Variants in CASK observed in about 807,000 individuals in gnomAD.
CASK encodes the protein peripheral plasma membrane protein CASK.
CASK carries 4 observed loss-of-function variants against 82.9 expected under a neutral mutation model. The ratio of observed to expected loss-of-function variants is 0.05; its 90% CI spans 0.02 to 0.11. The LOEUF is 0.11. Ranked by LOEUF, CASK falls within the 10% of genes least tolerant of loss-of-function variation. CASK has a pLI of 1.00. For synonymous variants in CASK, 259 were observed against 253.5 expected, an observed-to-expected ratio of 1.02 and a Z score of -0.20; for missense variants, 358 against 720.9, an observed-to-expected ratio of 0.50 and a Z score of 5.76.
intron 1 of CASK, among the ~76,000 whole-genome samples, chrX:41,920,212 A>G (rs2072760385): frequency 8.9e-6 from 1 of 112,450 alleles, no homozygotes; most frequent in African/African-American, 3.2e-5. Context: ...GAAAATCAAA[A>G]TTCCATAGAA....
At chrX:41,890,232 G>A (rs2072138689) in intron 1 of CASK, among the ~76,000 whole-genome samples, 1 of 21,574 alleles carries the variant, frequency 4.6e-5, no homozygotes, top group Non-Finnish European at 7.0e-5. Context: ...GTGTGTGTGT[G>A]TGTGTGTATG....
intron 5 of CASK, among the ~76,000 whole-genome samples, chrX:41,711,508 C>A (rs1471000394): frequency 9.0e-6 from 1 of 110,967 alleles, no homozygotes; most frequent in Non-Finnish European, 1.9e-5. Context: ...AATGCCTAGA[C>A]AGATAGGGGC....
chrX:41,759,589 G>C (rs1569436735), intron 3 of CASK, among the ~76,000 whole-genome samples: 1 of 111,271 alleles, frequency 9.0e-6, no homozygotes, highest in Non-Finnish European at 1.9e-5. Context: ...AGAGAGTTCA[G>C]GTGTTGGGAT....
chrX:41,522,599 TACA>T lies in CASK; in HGVS notation c.2604+1349_2604+1351del, dbSNP rs1312373300. 2.7e-5 allele frequency among the ~76,000 whole-genome samples: 3 copies of T among 112,219 alleles called. No individual in the cohort carries two copies. The Admixed American group carries it at 2.8e-4, about 11-fold the overall frequency. On this transcript the variant is annotated intron_variant, in intron 26 of 26. Coordinates refer to ENST00000378163, the MANE Select transcript of CASK (RefSeq NM_001367721.1). ...TACCAGGATGAAAAGGAACAATTCCTACAACATCACTCTCTGGCACACGGGATT... is the reference window on the plus strand; with the variant it reads ...TACCAGGATGAAAAGGAACAATTCCTACATCACTCTCTGGCACACGGGATT...
At chrX:41,811,981 G>A (rs369712994) in intron 2 of CASK, among the ~76,000 whole-genome samples, 2 of 110,998 alleles carry the variant, frequency 1.8e-5, no homozygotes, top group African/African-American at 6.6e-5. Flanking sequence ...ATAAACTAGA[G>A]AATCTAGAAG....
At chrX:41,598,772 T>C (rs2065858452) in intron 12 of CASK, among the ~76,000 whole-genome samples, 1 of 112,139 alleles carries the variant, frequency 8.9e-6, no homozygotes, top group Non-Finnish European at 1.9e-5. Context: ...TTTTTCTTTT[T>C]TGACGTGCAA....
chrX:41,882,945 A>G (rs2071978495), intron 1 of CASK, among the ~76,000 whole-genome samples: 1 of 112,213 alleles, frequency 8.9e-6, no homozygotes, highest in Admixed American at 9.5e-5. Flanking sequence ...TCTAAAAAGT[A>G]AATAAACCCC....
intron 12 of CASK, 57 bp downstream of exon 12, chrX:41,609,847 G>A: frequency 1.7e-6 from 2 of 1,181,418 alleles, no homozygotes; most frequent in Non-Finnish European, 2.3e-6. Flanking sequence ...ATGAGCCACC[G>A]TGCCCGGCCA....
chrX:41,578,586 TTTTA>T (rs1237308818), intron 14 of CASK, 58 bp from the exon 15 acceptor site: 98 of 861,236 alleles, frequency 1.1e-4, no homozygotes, highest in Non-Finnish European at 1.4e-4. Context: ...CAGAAATTTA[TTTTA>T]TTTATTTATT....
At chrX:41,660,190 C>G in intron 8 of CASK, 1 of 423,128 alleles carries the variant, frequency 2.4e-6, no homozygotes, top group Non-Finnish European at 4.1e-6. Flanking sequence ...AAAAAAGAGG[C>G]CTTCCCCTGA....
intron 2 of CASK, among the ~76,000 whole-genome samples, chrX:41,820,268 G>C (rs767875330): frequency 1.3e-4 from 14 of 110,231 alleles, no homozygotes; most frequent in Admixed American, 1.9e-4. Context: ...TGTTCAAATA[G>C]AAAATCTTAA....
At chrX:41,873,875 C>T (rs1297436618) in intron 1 of CASK, among the ~76,000 whole-genome samples, 1 of 105,778 alleles carries the variant, frequency 9.5e-6, no homozygotes, top group East Asian at 2.9e-4. Flanking sequence ...CTGCAACCTC[C>T]GCCTCCTGGG....
intron 3 of CASK, among the ~76,000 whole-genome samples, chrX:41,781,718 C>T (rs1405549518): frequency 9.0e-6 from 1 of 111,674 alleles, no homozygotes; most frequent in East Asian, 2.8e-4. Flanking sequence ...AGTGCATTGG[C>T]TTTGTTTTTT....
At chrX:41,796,610 T>C (rs1168220599) in intron 2 of CASK, among the ~76,000 whole-genome samples, 1 of 112,349 alleles carries the variant, frequency 8.9e-6, no homozygotes, top group Admixed American at 9.4e-5. Flanking sequence ...AAATGTTTAA[T>C]AATAAGGACA....
At chrX:41,649,761 T>C (rs1056998830) in intron 8 of CASK, among the ~76,000 whole-genome samples, 2 of 111,901 alleles carry the variant, frequency 1.8e-5, no homozygotes, top group Admixed American at 1.9e-4. Flanking sequence ...TAGATGTCTA[T>C]TAGGTCTGCT....
At chrX:41,903,090 G>A (rs1215844853) in intron 1 of CASK, among the ~76,000 whole-genome samples, 2 of 112,298 alleles carry the variant, frequency 1.8e-5, no homozygotes, top group Non-Finnish European at 3.8e-5. Flanking sequence ...ATGTGTCATA[G>A]TGTCACAACA....
At position 41,604,862 on chromosome X, in the gene CASK, G is replaced by C. The variant is rs765492054; in HGVS notation, c.1155+5042C>G. Among the ~76,000 whole-genome samples, 20 of 112,226 alleles carry C rather than the reference G, an allele frequency of 1.8e-4. No individual in the cohort carries two copies. The South Asian group carries it at 6.6e-3, about 37-fold the overall frequency. Reference sequence around the variant, plus strand: ...GGATAGCAAATATTTAGAGTTTTCTGTATCAGTTTCTAACTACAGATTAAA... The same window carrying C: ...GGATAGCAAATATTTAGAGTTTTCTCTATCAGTTTCTAACTACAGATTAAA... On this transcript the variant is annotated intron_variant, in intron 12 of 26. Coordinates refer to ENST00000378163, the MANE Select transcript of CASK (RefSeq NM_001367721.1).
At chrX:41,854,688 A>G (rs2071338920) in intron 1 of CASK, among the ~76,000 whole-genome samples, 1 of 112,521 alleles carries the variant, frequency 8.9e-6, no homozygotes, top group African/African-American at 3.2e-5. Context: ...TGACATCATG[A>G]GGACATCAAC....
chrX:41,691,283 T>G (rs2067551885), intron 5 of CASK, among the ~76,000 whole-genome samples: 1 of 111,878 alleles, frequency 8.9e-6, no homozygotes, highest in South Asian at 3.7e-4. Context: ...ATCATTCTGA[T>G]GAATGATTTG....
Sources: gnomAD v4.1 joint callset for allele counts (sites outside exome capture counted in the v4.1 genomes callset) on GRCh38, gnomAD v4.1.1 for gene constraint, MANE v1.5 for transcripts, NCBI Gene and HGNC (gene_info 2026-07-23, HGNC 2026-07-21) for gene names.